TAFA2: variants seen among roughly 807,000 people sequenced by gnomAD.
TAFA2 encodes chemokine-like protein TAFA-2.
Under a neutral mutation model 18.8 loss-of-function variants are expected in TAFA2, and 7 were observed. The observed-to-expected ratio is 0.37, with a 90% CI of 0.21 to 0.70. The LOEUF (loss-of-function observed/expected upper bound fraction) is 0.70. TAFA2 is among the 30% of genes least tolerant of loss of function. The pLI is 0.53. For synonymous variants in TAFA2, 60 were observed against 54.2 expected (o/e 1.11, Z -0.47); for missense variants, 122 against 158.1 (o/e 0.77, Z 1.23).
intron 1 of TAFA2, among the ~76,000 whole-genome samples, chr12:61,955,431 G>A (rs943715956): frequency 2.7e-5 from 4 of 149,982 alleles, no homozygotes; most frequent in African/African-American, 4.9e-5. Context: ...GTGAAACCCC[G>A]TCTCTATTAA....
chr12:62,181,292 A>G (rs1383748055), intron 1 of TAFA2, among the ~76,000 whole-genome samples: 1 of 152,186 alleles, frequency 6.6e-6, no homozygotes, highest in Non-Finnish European at 1.5e-5. Context: ...GTAACTACTG[A>G]TCCCATCTTC....
At chr12:61,800,603 A>T (rs74698699) in intron 2 of TAFA2, among the ~76,000 whole-genome samples, 396 of 152,298 alleles carry the variant, frequency 2.6e-3, no homozygotes, top group Non-Finnish European at 4.8e-3. Context: ...TATGGAGGTC[A>T]TTAGCAATAA....
chr12:61,896,776 A>G (rs1875863283), intron 1 of TAFA2, among the ~76,000 whole-genome samples: 2 of 152,200 alleles, frequency 1.3e-5, no homozygotes, highest in Non-Finnish European at 2.9e-5. Flanking sequence ...ACCAAATGCT[A>G]AATATATATT....
At chr12:62,160,003 A>G (rs1041597191) in intron 1 of TAFA2, among the ~76,000 whole-genome samples, 1 of 150,104 alleles carries the variant, frequency 6.7e-6, no homozygotes, top group African/African-American at 2.4e-5. Context: ...TTCTCCTCTC[A>G]CTCTTTACCC....
intron 1 of TAFA2, among the ~76,000 whole-genome samples, chr12:61,872,862 TTC>T (rs36106779): frequency 3.5e-4 from 53 of 150,352 alleles, no homozygotes; most frequent in Admixed American, 4.0e-4. Flanking sequence ...ACCCTGCAGT[TTC>T]TCTCTCTCTC....
Position 62,113,977 on chromosome 12 carries a change from C to T in TAFA2, c.-2+77282G>A, listed in dbSNP as rs759389234. ...CTAGACCACTTGGCTCCCTGGCTTA[C>T]GCCCCTTTCCAAGGGAGTGAATGAT... On this transcript the variant is annotated intron_variant, in intron 1 of 4. Coordinates refer to ENST00000416284, the MANE Select transcript of TAFA2 (RefSeq NM_178539.5). 5.9e-5 allele frequency among the ~76,000 whole-genome samples: 9 copies of T among 152,198 alleles called. No homozygotes were observed. In the South Asian group the frequency reaches 6.2e-4, roughly 11 times the overall value.
At chr12:62,104,207 G>A (rs781440417) in intron 1 of TAFA2, among the ~76,000 whole-genome samples, 18 of 151,734 alleles carry the variant, frequency 1.2e-4, no homozygotes, top group African/African-American at 3.4e-4. Flanking sequence ...AGTGACAAAC[G>A]TGCCATTTAG....
intron 2 of TAFA2, among the ~76,000 whole-genome samples, chr12:61,788,630 A>C (rs1235422300): frequency 1.3e-5 from 2 of 151,738 alleles, no homozygotes; most frequent in Non-Finnish European, 2.9e-5. Flanking sequence ...GTTTTTAAAA[A>C]GATAAACAAA....
chr12:61,876,956 C>A (rs1191605165), intron 1 of TAFA2, among the ~76,000 whole-genome samples: 2 of 152,196 alleles, frequency 1.3e-5, no homozygotes, highest in Non-Finnish European at 2.9e-5. Flanking sequence ...TAACTACATT[C>A]TATTCACACT....
At chr12:61,841,734 A>G (rs11608376) in intron 2 of TAFA2, among the ~76,000 whole-genome samples, 43,951 of 151,950 alleles carry the variant, frequency 0.29, 6,973 homozygotes, top group South Asian at 0.4. Flanking sequence ...CAAAATAGAA[A>G]AGGGAATTTT....
intron 1 of TAFA2, among the ~76,000 whole-genome samples, chr12:62,238,460 A>G (rs1179130419): frequency 6.6e-6 from 1 of 152,174 alleles, no homozygotes. Flanking sequence ...TGTGCTAAAT[A>G]TTTTACCTAC....
At chr12:62,257,426 G>A (rs2062946190) in intron 1 of TAFA2, among the ~76,000 whole-genome samples, 1 of 152,044 alleles carries the variant, frequency 6.6e-6, no homozygotes, top group African/African-American at 2.4e-5. Flanking sequence ...CTCTCCTGGA[G>A]TATTTACATT....
intron 1 of TAFA2, among the ~76,000 whole-genome samples, chr12:62,046,871 T>A (rs1881922452): frequency 6.6e-6 from 1 of 152,108 alleles, no homozygotes; most frequent in African/African-American, 2.4e-5. Context: ...TTTGCAAAAT[T>A]TTAAAGTATA....
intron 1 of TAFA2, among the ~76,000 whole-genome samples, chr12:62,028,382 C>A (rs1881364287): frequency 6.6e-6 from 1 of 152,094 alleles, no homozygotes; most frequent in Non-Finnish European, 1.5e-5. Context: ...CATCTTTATC[C>A]TTTGCACTTC....
intron 1 of TAFA2, among the ~76,000 whole-genome samples, chr12:62,109,462 G>A (rs867522430): frequency 7.2e-5 from 11 of 152,198 alleles, no homozygotes; most frequent in African/African-American, 9.6e-5. Flanking sequence ...TGGCTATGCC[G>A]GCTCTTTTTT....
chr12:61,880,487 G>A, intron 1 of TAFA2: 1 of 534,104 alleles, frequency 1.9e-6, no homozygotes, highest in Non-Finnish European at 3.8e-6. Flanking sequence ...CATCAAGACT[G>A]CCACCTACAA....
At chr12:62,019,339 G>A (rs1205157135) in intron 1 of TAFA2, among the ~76,000 whole-genome samples, 1 of 151,476 alleles carries the variant, frequency 6.6e-6, no homozygotes, top group Admixed American at 6.6e-5. Context: ...ATACCCAAAG[G>A]ATTATAAATC....
chr12:62,233,042 G>A (rs2062818964), intron 1 of TAFA2, among the ~76,000 whole-genome samples: 1 of 110,770 alleles, frequency 9.0e-6, no homozygotes, highest in Non-Finnish European at 1.8e-5. Flanking sequence ...CTCACTATTT[G>A]TCCTCCCAGC....
chr12:61,906,688 T>C (rs1386610829), intron 1 of TAFA2, among the ~76,000 whole-genome samples: 2 of 152,110 alleles, frequency 1.3e-5, no homozygotes, highest in African/African-American at 4.8e-5. Context: ...CAGGAAGATA[T>C]GGGAAAGTTT....
Sources: allele counts gnomAD v4.1 joint callset (sites outside exome capture counted in the v4.1 genomes callset), GRCh38; gene constraint gnomAD v4.1.1; transcripts MANE v1.5; gene names NCBI Gene and HGNC (gene_info 2026-07-23, HGNC 2026-07-21).